GFRA2: variants seen among roughly 807,000 people sequenced by gnomAD.
The protein encoded by GFRA2 is GDNF family receptor alpha 2, also known as GDNF family receptor alpha-2.
A neutral mutation model predicts 48.3 loss-of-function variants in GFRA2; 17 were observed. The observed-to-expected ratio is 0.35, with a 90% CI of 0.24 to 0.53. GFRA2 has a LOEUF of 0.53. GFRA2 is among the 20% of genes least tolerant of loss of function. GFRA2 has a pLI of 0.93. For synonymous variants in GFRA2, 305 were observed against 257.2 expected, an observed-to-expected ratio of 1.19 and a Z score of -1.78; for missense variants, 660 against 637.3, an observed-to-expected ratio of 1.04 and a Z score of -0.38.
intron 3 of GFRA2, among the ~76,000 whole-genome samples, chr8:21,764,249 CACTT>C (rs1237810992): frequency 1.3e-5 from 2 of 152,130 alleles, no homozygotes; most frequent in Non-Finnish European, 2.9e-5. Context: ...GGTGAGGACT[CACTT>C]GCTTGTTCAC....
chr8:21,708,521 AAGTTGC>A (rs1202130657), intron 4 of GFRA2, among the ~76,000 whole-genome samples: 12 of 152,196 alleles, frequency 7.9e-5, no homozygotes, highest in Non-Finnish European at 1.5e-4. Context: ...CCCACAAAAA[AAGTTGC>A]AGTTTTAATC....
chr8:21,782,831 G>C lies in GFRA2; in HGVS notation c.109C>G (p.Pro37Ala). The C allele has an allele frequency of 3.8e-6, 6 of 1,571,998 alleles. No individual in the cohort carries two copies. The highest frequency in any genetic ancestry group is 4.6e-5 in the East Asian group (2 of 43,248). ...QGPELHGWRP[P>A]VDCVRANELC... ...TCATTGGCCCGGACACAGTCCACTG[G>C]GGGGCGCCAGCCGTGGAGCTCGGGG... The change falls in exon 2 of 9, where the codon CCA (proline) becomes GCA (alanine). Residue 37 changes from proline (P) to alanine (A), a missense_variant. By Grantham distance (27) the Pro-to-Ala change is conservative. Transcript: ENST00000524240.
In GFRA2 at chr8:21,691,277, C is replaced by G. The variant is rs1245896353; in HGVS notation, c.*2001G>C. ...GCACGTGAACATGTGCGAGCCTGCA[C>G]ACGACCGCACACACATGTACACATG... is the stretch of plus-strand genomic sequence containing the variant. On this transcript the variant is annotated 3_prime_UTR_variant, in exon 9 of 9. Transcript: ENST00000524240. The G allele has an allele frequency of 2.6e-5, 4 of 152,230 alleles. No individual in the cohort carries two copies. Among genetic ancestry groups the G allele is most frequent in the African/African-American group, 9.6e-5 (4 of 41,452 alleles). 9.4% of individuals were successfully genotyped at this position (152,230 alleles called of 1,614,324 possible).
chr8:21,801,818 C>T (rs1248511263), intron 2 of GFRA2, among the ~76,000 whole-genome samples: 1 of 152,200 alleles, frequency 6.6e-6, no homozygotes, highest in Non-Finnish European at 1.5e-5. Context: ...AGGTGCTGCC[C>T]GCAGCCCTCG....
In GFRA2 at chr8:21,782,731, T is replaced by A. The variant is rs2117072705; in HGVS notation, c.209A>T (p.Asn70Ile). 1 of 1,597,770 alleles carries A rather than the reference T, an allele frequency of 6.3e-7. No homozygotes were observed. Among genetic ancestry groups the A allele is most frequent in the Admixed American group, 1.7e-5 (1 of 57,942 alleles). Reference sequence around the variant, plus strand: ...GCACTCCTTGTTGGCCAGCATGGTGTTGCGGTCGCGGCCTGCCAGGCACTG... The same window carrying A: ...GCACTCCTTGTTGGCCAGCATGGTGATGCGGTCGCGGCCTGCCAGGCACTG... ...LRQCLAGRDR[N>I]TMLANKECQA... The change falls in exon 2 of 9, where the codon AAC becomes ATC. Residue 70 changes from asparagine to isoleucine, a missense_variant. Transcript: ENST00000524240.
intron 3 of GFRA2, among the ~76,000 whole-genome samples, chr8:21,760,791 A>G (rs1805867812): frequency 6.6e-6 from 1 of 152,178 alleles, no homozygotes; most frequent in Non-Finnish European, 1.5e-5. Context: ...ACAAGTCAGG[A>G]CAGAACTCTG....
At chr8:21,701,108 C>T (rs1172465346) in intron 7 of GFRA2, among the ~76,000 whole-genome samples, 2 of 152,234 alleles carry the variant, frequency 1.3e-5, no homozygotes, top group Non-Finnish European at 2.9e-5. Flanking sequence ...TCATTAAAAA[C>T]ATTGTGCCGG....
In GFRA2 at chr8:21,707,614, A is replaced by C. The variant is rs997685412; in HGVS notation, c.795-1573T>G. Among the ~76,000 whole-genome samples, 3 of 152,230 alleles carry C rather than the reference A, an allele frequency of 2.0e-5. No individual in the cohort carries two copies. In the East Asian group the frequency reaches 5.8e-4, roughly 29 times the overall value. On this transcript the variant is annotated intron_variant, in intron 4 of 8. Transcript: ENST00000524240. ...AGAGAAGGCCATGGGTACCAAACCA[A>C]GAGTCAGCTCAGCTCTGCCCTAACT... is the stretch of plus-strand genomic sequence containing the variant.
intron 3 of GFRA2, among the ~76,000 whole-genome samples, chr8:21,770,621 C>T (rs375156501): frequency 3.3e-5 from 5 of 152,338 alleles, no homozygotes; most frequent in South Asian, 2.1e-4. Context: ...CACACTTGCA[C>T]GGCATGGCCA....
At chr8:21,744,201 A>T (rs1221243791) in intron 4 of GFRA2, among the ~76,000 whole-genome samples, 1 of 152,144 alleles carries the variant, frequency 6.6e-6, no homozygotes, top group East Asian at 1.9e-4. Context: ...CAAGAAAGAG[A>T]GTGTGTGGAA....
chr8:21,738,749 C>T (rs529685383), intron 4 of GFRA2, among the ~76,000 whole-genome samples: 11 of 152,150 alleles, frequency 7.2e-5, no homozygotes, highest in Non-Finnish European at 1.5e-4. Flanking sequence ...TCCAAGAGGC[C>T]TTCTCAACAA....
chr8:21,754,742 C>T (rs1805484484), intron 3 of GFRA2, among the ~76,000 whole-genome samples: 2 of 152,112 alleles, frequency 1.3e-5, no homozygotes, highest in African/African-American at 4.8e-5. Context: ...CTCATGACCT[C>T]AGGTGATCCG....
intron 7 of GFRA2, among the ~76,000 whole-genome samples, chr8:21,698,913 G>A (rs867446319): frequency 1.3e-5 from 2 of 152,102 alleles, no homozygotes; most frequent in African/African-American, 2.4e-5. Flanking sequence ...CCATTCTCCC[G>A]ATTCTTTTCA....
At chr8:21,696,695 A>C (rs1393769338) in intron 7 of GFRA2, among the ~76,000 whole-genome samples, 1 of 152,168 alleles carries the variant, frequency 6.6e-6, no homozygotes, top group Non-Finnish European at 1.5e-5. Context: ...GGGGGCCTGC[A>C]ACTGGACTTT....
chr8:21,704,331 C>T (rs1239129781), intron 6 of GFRA2, among the ~76,000 whole-genome samples: 1 of 152,216 alleles, frequency 6.6e-6, no homozygotes, highest in Non-Finnish European at 1.5e-5. Context: ...AGACCCCCCG[C>T]CCAGAGCAGC....
chr8:21,694,597 C>T, intron 7 of GFRA2, 80 bp from the exon 8 acceptor site: 1 of 1,329,200 alleles, frequency 7.5e-7, no homozygotes, highest in Middle Eastern at 1.8e-4. Flanking sequence ...TAGATGAGGC[C>T]CCGCCATGCA....
intron 1 of GFRA2, chr8:21,784,281 C>T (rs1039704303): frequency 2.6e-5 from 12 of 456,198 alleles, no homozygotes; most frequent in South Asian, 6.2e-5. Context: ...GCCCCTAACT[C>T]GAGATCCTGC....
chr8:21,785,781 T>C (rs1807240962), intron 1 of GFRA2, among the ~76,000 whole-genome samples: 1 of 152,084 alleles, frequency 6.6e-6, no homozygotes. Flanking sequence ...CTCTCCACCA[T>C]GGGTTATCCA....
At chr8:21,756,420 G>A (rs1412095791) in intron 3 of GFRA2, among the ~76,000 whole-genome samples, 2 of 152,212 alleles carry the variant, frequency 1.3e-5, no homozygotes, top group African/African-American at 2.4e-5. Context: ...CCAGGAGCGG[G>A]CCTGGGCTCT....
Sources: allele counts gnomAD v4.1 joint callset (sites outside exome capture counted in the v4.1 genomes callset), GRCh38; gene constraint gnomAD v4.1.1; transcripts MANE v1.5; gene names NCBI Gene and HGNC (gene_info 2026-07-23, HGNC 2026-07-21).